The following CNBD1 variants were observed in gnomAD, a reference collection of about 807,000 sequenced individuals.
CNBD1 encodes the protein cyclic nucleotide binding domain containing 1.
CNBD1 carries 71 observed loss-of-function variants against 54.4 expected under a neutral mutation model. The observed-to-expected ratio is 1.30, with a 90% confidence interval of 1.08 to 1.59. The LOEUF is 1.59. CNBD1 is among the 40% of genes most tolerant of loss of function. The pLI is 0.00. For missense variants in CNBD1, 659 were observed against 518.0 expected, an observed-to-expected ratio of 1.27 and a Z score of -2.64; for synonymous variants, 182 against 170.7, an observed-to-expected ratio of 1.07 and a Z score of -0.51.
chr8:86,931,643 C>T (rs1033823522), intron 3 of CNBD1, among the ~76,000 whole-genome samples: 1 of 151,912 alleles, frequency 6.6e-6, no homozygotes, highest in Non-Finnish European at 1.5e-5. Flanking sequence ...CAGCCTGTTC[C>T]TTCCTCTTTG....
chr8:86,896,336 A>T (rs113535188), intron 2 of CNBD1, among the ~76,000 whole-genome samples: 20 of 152,254 alleles, frequency 1.3e-4, no homozygotes, highest in African/African-American at 3.6e-4. Context: ...TTCACAGAGT[A>T]CCAATAGTAC....
At chr8:87,325,699 C>G (rs1267633989) in intron 8 of CNBD1, among the ~76,000 whole-genome samples, 1 of 141,918 alleles carries the variant, frequency 7.0e-6, no homozygotes, top group Non-Finnish European at 1.5e-5. Context: ...ATGTGTGTCT[C>G]TGCATGTGAG....
intron 4 of CNBD1, among the ~76,000 whole-genome samples, chr8:87,193,484 A>G (rs912247308): frequency 1.3e-5 from 2 of 152,196 alleles, no homozygotes; most frequent in African/African-American, 4.8e-5. Flanking sequence ...TTCATCCCCA[A>G]ATAAATTCAC....
intron 6 of CNBD1, among the ~76,000 whole-genome samples, chr8:87,252,053 A>G (rs1807928643): frequency 6.6e-6 from 1 of 152,160 alleles, no homozygotes; most frequent in Non-Finnish European, 1.5e-5. Context: ...GAAACAACAA[A>G]CATATAAAAA....
chr8:87,235,130 T>C (rs925037996), intron 5 of CNBD1, among the ~76,000 whole-genome samples: 6 of 152,174 alleles, frequency 3.9e-5, no homozygotes, highest in Admixed American at 3.9e-4. Context: ...TGAACAGAAA[T>C]AGGGCCTTGT....
intron 5 of CNBD1, among the ~76,000 whole-genome samples, chr8:87,229,496 A>T (rs571103511): frequency 3.2e-4 from 49 of 152,198 alleles, no homozygotes; most frequent in Non-Finnish European, 5.4e-4. Flanking sequence ...TTGTTCTTTG[A>T]CACCTTAATT....
Position 87,157,950 on chromosome 8 carries a change from C to T in CNBD1, c.432-48043C>T, listed in dbSNP as rs112651834. 9.9e-5 allele frequency among the ~76,000 whole-genome samples: 15 copies of T among 151,904 alleles called. 1 individual carries two copies. The highest frequency in any genetic ancestry group is 2.9e-4 in the African/African-American group (12 of 41,400). ...CAGTAGCATGGGCTTTGGAGTCAGG[C>T]GACTAATTCTAGATTTACTGCTTAT... On this transcript the variant is annotated intron_variant, in intron 4 of 10. Coordinates refer to ENST00000518476, the MANE Select transcript of CNBD1 (RefSeq NM_173538.3).
At chr8:87,419,580 G>C (rs1807894140) in intron 2 of CNBD1, among the ~76,000 whole-genome samples, 1 of 151,862 alleles carries the variant, frequency 6.6e-6, no homozygotes, top group Non-Finnish European at 1.5e-5. Context: ...AGAATGTGTT[G>C]TATAGCCCAA....
At position 87,192,718 on chromosome 8, in the gene CNBD1, A is replaced by G. The variant is rs182439286; in HGVS notation, c.432-13275A>G. ...TTCCCTGTAATTTCACATCAGCCCT[A>G]TGGATTCCTAATTGTTCTTTCAGGT... On this transcript the variant is annotated intron_variant, in intron 4 of 10. Coordinates refer to ENST00000518476, the MANE Select transcript of CNBD1 (RefSeq NM_173538.3). 4.5e-4 allele frequency among the ~76,000 whole-genome samples: 68 copies of G among 152,298 alleles called. No homozygotes were observed. The East Asian group carries it at 0.012, about 27-fold the overall frequency.
intron 4 of CNBD1, among the ~76,000 whole-genome samples, chr8:86,975,703 T>A (rs1419539767): frequency 6.6e-6 from 1 of 152,106 alleles, no homozygotes; most frequent in Non-Finnish European, 1.5e-5. Context: ...AGTGCAGTTA[T>A]CTCTTTGACG....
At chr8:86,950,697 G>C (rs1018396459) in intron 4 of CNBD1, among the ~76,000 whole-genome samples, 2 of 152,104 alleles carry the variant, frequency 1.3e-5, no homozygotes, top group African/African-American at 4.8e-5. Flanking sequence ...CTGTTTTTCA[G>C]AATAGTTTGA....
At chr8:87,389,327 G>T (rs908726503) in intron 2 of CNBD1, among the ~76,000 whole-genome samples, 2 of 152,206 alleles carry the variant, frequency 1.3e-5, no homozygotes, top group Non-Finnish European at 2.9e-5. Flanking sequence ...GTTTGCAGAT[G>T]ACATGATTGT....
At chr8:86,890,733 G>GGT (rs1808756248) in intron 2 of CNBD1, among the ~76,000 whole-genome samples, 1 of 151,954 alleles carries the variant, frequency 6.6e-6, no homozygotes, top group Non-Finnish European at 1.5e-5. Context: ...GTTCCTTTCA[G>GGT]TTCAGGTCCT....
chr8:86,998,692 T>A (rs1372784322), intron 4 of CNBD1, among the ~76,000 whole-genome samples: 1 of 152,202 alleles, frequency 6.6e-6, no homozygotes, highest in Non-Finnish European at 1.5e-5. Flanking sequence ...TGGCCCCATG[T>A]TTGATTTTAA....
chr8:87,201,812 A>G (rs1354186767), intron 4 of CNBD1, among the ~76,000 whole-genome samples: 1 of 152,120 alleles, frequency 6.6e-6, no homozygotes, highest in Non-Finnish European at 1.5e-5. Context: ...CCCAGGCTGG[A>G]GTGCAGTGAC....
intron 4 of CNBD1, among the ~76,000 whole-genome samples, chr8:87,054,834 C>T (rs987290163): frequency 1.3e-5 from 2 of 152,164 alleles, no homozygotes; most frequent in South Asian, 4.1e-4. Flanking sequence ...ACACAGCCAA[C>T]ATTCCCAACA....
intron 4 of CNBD1, among the ~76,000 whole-genome samples, chr8:87,185,357 G>A (rs984320435): frequency 1.3e-4 from 19 of 151,724 alleles, no homozygotes; most frequent in Admixed American, 3.3e-4. Context: ...TTACTTCTTC[G>A]CGTAGTAATT....
intron 6 of CNBD1, among the ~76,000 whole-genome samples, chr8:87,250,857 G>A (rs1807901654): frequency 6.6e-6 from 1 of 152,146 alleles, no homozygotes; most frequent in Admixed American, 6.6e-5. Context: ...AAAGTGAGAT[G>A]GCTAATGGGT....
At chr8:87,203,934 G>T (rs1325849390) in intron 4 of CNBD1, among the ~76,000 whole-genome samples, 1 of 152,172 alleles carries the variant, frequency 6.6e-6, no homozygotes, top group East Asian at 1.9e-4. Context: ...GGCTAGTATT[G>T]TAAAATCCTC....
Sources: allele counts gnomAD v4.1 joint callset (sites outside exome capture counted in the v4.1 genomes callset), GRCh38; gene constraint gnomAD v4.1.1; transcripts MANE v1.5; gene names NCBI Gene and HGNC (gene_info 2026-07-23, HGNC 2026-07-21).